Variants in HIVEP2 observed in about 807,000 individuals in gnomAD.
The protein encoded by HIVEP2 is transcription factor HIVEP2.
A neutral mutation model predicts 180.7 loss-of-function variants in HIVEP2; 14 were observed. That is an observed-to-expected ratio of 0.08 (90% CI 0.05 to 0.12). The LOEUF is 0.12. Ranked by LOEUF, HIVEP2 falls within the 10% of genes least tolerant of loss-of-function variation. The pLI, the probability that HIVEP2 is intolerant of heterozygous loss-of-function variation, is 1.00. For synonymous variants in HIVEP2, 1,184 were observed against 1,136.4 expected (o/e 1.04, Z -0.84); for missense variants, 2,579 against 3,008.5 (o/e 0.86, Z 3.34).
At chr6:142,828,433 T>C (rs915943974) in intron 2 of HIVEP2, among the ~76,000 whole-genome samples, 1 of 152,168 alleles carries the variant, frequency 6.6e-6, no homozygotes, top group South Asian at 2.1e-4. Context: ...CTTTGGATTT[T>C]AGTTGAGCTA....
At chr6:142,934,777 A>G (rs549988586) in intron 1 of HIVEP2, among the ~76,000 whole-genome samples, 7 of 152,288 alleles carry the variant, frequency 4.6e-5, no homozygotes, top group Non-Finnish European at 1.0e-4. Flanking sequence ...AGAGGCTTTC[A>G]CCACTTGCTT....
intron 1 of HIVEP2, among the ~76,000 whole-genome samples, chr6:142,939,976 T>C (rs1037225859): frequency 1.3e-5 from 2 of 152,242 alleles, no homozygotes; most frequent in Non-Finnish European, 2.9e-5. Flanking sequence ...CTTCATATTT[T>C]CATATCACAC....
At chr6:142,862,930 T>C (rs1429334252) in intron 1 of HIVEP2, among the ~76,000 whole-genome samples, 3 of 137,074 alleles carry the variant, frequency 2.2e-5, no homozygotes, top group Non-Finnish European at 4.6e-5. Flanking sequence ...TGTAATATAT[T>C]GTACTTTACA....
chr6:142,888,346 C>T (rs1776761932), intron 1 of HIVEP2, among the ~76,000 whole-genome samples: 1 of 152,094 alleles, frequency 6.6e-6, no homozygotes, highest in South Asian at 2.1e-4. Flanking sequence ...GGGCTGATTT[C>T]AAACTCCTGG....
chr6:142,870,441 G>A (rs559828221), intron 1 of HIVEP2, among the ~76,000 whole-genome samples: 38 of 152,180 alleles, frequency 2.5e-4, no homozygotes, highest in South Asian at 1.5e-3. Context: ...TGTTTTTTGC[G>A]GAATGTACAA....
intron 2 of HIVEP2, among the ~76,000 whole-genome samples, chr6:142,831,927 C>A (rs1775094994): frequency 6.6e-6 from 1 of 152,116 alleles, no homozygotes; most frequent in South Asian, 2.1e-4. Flanking sequence ...TGCAGTGGCT[C>A]ACACCTATAA....
chr6:142,828,083 C>T (rs150066920), intron 2 of HIVEP2, among the ~76,000 whole-genome samples: 1 of 152,278 alleles, frequency 6.6e-6, no homozygotes, highest in Non-Finnish European at 1.5e-5. Context: ...TCTTAGATCA[C>T]AACATTGGTG....
intron 1 of HIVEP2, among the ~76,000 whole-genome samples, chr6:142,939,746 G>A (rs1778132263): frequency 6.6e-6 from 1 of 152,160 alleles, no homozygotes; most frequent in Admixed American, 6.5e-5. Context: ...AATGTTTGAA[G>A]TTGGAAATCA....
intron 1 of HIVEP2, among the ~76,000 whole-genome samples, chr6:142,897,544 A>T (rs542889785): frequency 6.6e-6 from 1 of 152,254 alleles, no homozygotes; most frequent in Non-Finnish European, 1.5e-5. Context: ...ATTGTTACAC[A>T]TGAACAAATC....
intron 1 of HIVEP2, among the ~76,000 whole-genome samples, chr6:142,894,859 C>T (rs2128422520): frequency 6.6e-6 from 1 of 152,274 alleles, no homozygotes; most frequent in Non-Finnish European, 1.5e-5. Context: ...CTACACTGTC[C>T]CCACTGATAA....
chr6:142,903,580 C>T (rs977001369), intron 1 of HIVEP2, among the ~76,000 whole-genome samples: 2 of 152,050 alleles, frequency 1.3e-5, no homozygotes, highest in African/African-American at 4.8e-5. Flanking sequence ...CTGCTCGACC[C>T]CATAAATTAA....
chr6:142,862,526 C>A lies in HIVEP2; in HGVS notation c.-640-25479G>T, dbSNP rs921307705. Among the ~76,000 whole-genome samples the A allele has an allele frequency of 2.8e-5, 4 of 144,106 alleles. 1 individual carries two copies. Among genetic ancestry groups the A allele is most frequent in the Admixed American group, 1.4e-4 (2 of 14,330 alleles). 94.5% of individuals were successfully genotyped at this position (144,106 alleles called of 152,430 possible). A position where few individuals can be genotyped will look rare whatever the true frequency, so the allele number is the denominator to read the frequency against. On this transcript the variant is annotated intron_variant, in intron 1 of 9. Transcript: ENST00000367603. ...TCATATATTTTATAATACATATAAT[C>A]GATTATGTGTATCATATATTTTATA...
intron 1 of HIVEP2, among the ~76,000 whole-genome samples, chr6:142,861,278 A>G (rs1242097037): frequency 6.6e-6 from 1 of 152,232 alleles, no homozygotes; most frequent in Admixed American, 6.5e-5. Flanking sequence ...TGACAAATCA[A>G]TTGGAATGGC....
chr6:142,764,952 C>T lies in HIVEP2; in HGVS notation c.5365G>A (p.Val1789Ile), dbSNP rs754518106. Residue 1789 changes from valine to isoleucine, a missense_variant, in exon 7 of 10, where the codon GTA becomes ATA. This residue lies in a region of HIVEP2 where 21 missense variants were observed against 86.8 expected (regional missense o/e 0.24). Transcript: ENST00000367603. ...CCCCGGCCACGTCCTCTGACATATA[C>T]ATAATCTTCATTCGATTTGTACCTG... is the stretch of plus-strand genomic sequence containing the variant. ...EGGYKSNEDY[V>I]YVRGRGRGKY... The T allele has an allele frequency of 1.2e-5, 19 of 1,609,352 alleles. No individual in the cohort carries two copies. The highest frequency in any genetic ancestry group is 8.4e-5 in the Admixed American group (5 of 59,800).
At chr6:142,843,144 T>C (rs1162378947) in intron 1 of HIVEP2, among the ~76,000 whole-genome samples, 3 of 152,148 alleles carry the variant, frequency 2.0e-5, no homozygotes, top group African/African-American at 7.2e-5. Context: ...TTGTTAAAAA[T>C]ATGGGTTCTG....
chr6:142,771,780 C>T lies in HIVEP2; in HGVS notation c.2959G>A (p.Glu987Lys), dbSNP rs780644347. 1.2e-6 allele frequency: 2 copies of T among 1,614,216 alleles called. No individual in the cohort carries two copies. The highest frequency in any genetic ancestry group is 1.7e-6 in the Non-Finnish European group (2 of 1,180,050). The change falls in exon 5 of 10, where the codon GAA becomes AAA. Residue 987 changes from glutamate to lysine, a missense_variant. Physicochemically the swap from Glu to Lys is moderately conservative, Grantham distance 56. This residue lies in a region of HIVEP2 where 523 missense variants were observed against 577.0 expected (regional missense o/e 0.91). Transcript: ENST00000367603. This position sits in a 1 kb window ranked among gnomAD's most constrained non-coding sequence, Gnocchi z 5.4. The part of the protein sequence containing the change: ...SSFSMSFERE[E>K]TSKLSALPKQ... ...GGAAGTGCAGAAAGCTTACTGGTTT[C>T]TTCTCTTTCAAAAGACATGGAGAAA...
At chr6:142,903,649 C>A (rs9403416) in intron 1 of HIVEP2, among the ~76,000 whole-genome samples, 10,764 of 152,092 alleles carry the variant, frequency 0.071, 491 homozygotes, top group East Asian at 0.17. Context: ...AAAATGACTC[C>A]GGTGGTTCCC....
intron 1 of HIVEP2, among the ~76,000 whole-genome samples, chr6:142,883,179 G>T (rs185335573): frequency 1.3e-3 from 197 of 152,092 alleles, no homozygotes; most frequent in Non-Finnish European, 1.9e-3. Context: ...ATTACAAAAA[G>T]CTCTGCACAT....
rs1776611514 is a variant in HIVEP2, at chr6:142,883,063, A to G, written c.-640-46016T>C. On this transcript the variant is annotated intron_variant, in intron 1 of 9. Transcript: ENST00000367603. ...CTTACAGTACAGGATCTGCTTGAAC[A>G]AAAAGACTTCACTTCAAGCCAAGAT... 1.3e-5 allele frequency among the ~76,000 whole-genome samples: 2 copies of G among 152,154 alleles called. 1 individual carries two copies. Among genetic ancestry groups the G allele is most frequent in the South Asian group, 4.1e-4 (2 of 4,834 alleles).
Sources: allele counts gnomAD v4.1 joint callset (sites outside exome capture counted in the v4.1 genomes callset), GRCh38; gene constraint gnomAD v4.1.1; regional missense constraint gnomAD v4.1.1; non-coding constraint Gnocchi (gnomAD v3.1); transcripts MANE v1.5; gene names NCBI Gene and HGNC (gene_info 2026-07-23, HGNC 2026-07-21).